Variants in C6orf89 observed in about 807,000 individuals in gnomAD.
C6orf89 encodes the protein bombesin receptor-activated protein C6orf89.
C6orf89 carries 29 observed loss-of-function variants against 40.7 expected under a neutral mutation model. That is an observed-to-expected ratio of 0.71 (90% CI 0.53 to 0.97). C6orf89 has a LOEUF of 0.97. C6orf89 is among the 50% of genes least tolerant of loss of function. The probability of loss-of-function intolerance (pLI) is 0.00; values close to 1 mark genes in which losing one functional copy is unlikely to be tolerated. For missense variants in C6orf89, 392 were observed against 429.1 expected (o/e 0.91, Z 0.76); for synonymous variants, 165 against 152.2 (o/e 1.08, Z -0.62).
rs919547355 is a variant in C6orf89, at chr6:36,927,791, C to T, written c.*4350C>T. On this transcript the variant is annotated 3_prime_UTR_variant, in exon 9 of 9. Coordinates refer to ENST00000480824, the MANE Select transcript of C6orf89 (RefSeq NM_001286635.2). ...CTCTGTAGCAAATGAAACACGGAAG[C>T]CTCCGGGAATGTGTTTGTGTCACCA... The T allele has an allele frequency of 6.6e-6, 1 of 152,318 alleles. No individual in the cohort carries two copies. The highest frequency in any genetic ancestry group is 2.4e-5 in the African/African-American group (1 of 41,452). 9.4% of individuals were successfully genotyped at this position (152,318 alleles called of 1,614,324 possible).
intron 2 of C6orf89, among the ~76,000 whole-genome samples, chr6:36,897,535 G>A (rs1020013743): frequency 4.6e-5 from 7 of 152,136 alleles, no homozygotes; most frequent in Admixed American, 2.6e-4. Flanking sequence ...ATAGTGTGGT[G>A]GGCTCTTCTC....
intron 8 of C6orf89, among the ~76,000 whole-genome samples, chr6:36,922,020 C>T (rs1250942832): frequency 2.6e-5 from 4 of 151,960 alleles, no homozygotes; most frequent in African/African-American, 9.7e-5. Flanking sequence ...GAAGCGAGAC[C>T]CTGTCTCTAA....
intron 2 of C6orf89, 127 bp from the exon 3 acceptor site, chr6:36,899,299 G>A: frequency 1.5e-6 from 1 of 686,476 alleles, no homozygotes; most frequent in Non-Finnish European, 2.5e-6. Context: ...TGAAAGTATT[G>A]GTCTGTAGAG....
At chr6:36,884,004 G>A (rs1009960291), upstream of C6orf89, among the ~76,000 whole-genome samples, 20 of 152,312 alleles carry the variant, frequency 1.3e-4, no homozygotes, top group African/African-American at 4.1e-4. The surrounding 1 kb of genome is among the most constrained non-coding windows in gnomAD (Gnocchi z 4.0). Flanking sequence ...GCTGACACCC[G>A]TAACCTCAGC....
chr6:36,922,928 G>A (rs749750863), intron 8 of C6orf89, among the ~76,000 whole-genome samples: 45 of 152,218 alleles, frequency 3.0e-4, no homozygotes, highest in Non-Finnish European at 5.9e-4. Flanking sequence ...TAAGCCTGCT[G>A]AATTGTGATT....
At chr6:36,916,091 TCCTTCTCTCTTCTCCCCTTCCC>T (rs1762305435) in intron 6 of C6orf89, among the ~76,000 whole-genome samples, 1 of 152,188 alleles carries the variant, frequency 6.6e-6, no homozygotes, top group South Asian at 2.1e-4. Context: ...TGTCCCTTCC[TCCTTCTCTCTTCTCCCCTTCCC>T]CCGCCTGGCC....
Position 36,926,935 on chromosome 6 carries a change from A to C in C6orf89, c.*3494A>C, listed in dbSNP as rs190720314. Reference sequence around the variant, plus strand: ...GTGGGAGAACCCAGGGATGGGGGTCAGCAAGCCAGGAACTCCGCAGGGTTT... The same window carrying C: ...GTGGGAGAACCCAGGGATGGGGGTCCGCAAGCCAGGAACTCCGCAGGGTTT... On this transcript the variant is annotated 3_prime_UTR_variant, in exon 9 of 9. Transcript: ENST00000480824. The C allele has an allele frequency of 6.6e-5, 10 of 152,408 alleles. No individual in the cohort carries two copies. The East Asian group carries it at 1.7e-3, about 26-fold the overall frequency. 9.4% of individuals were successfully genotyped at this position (152,408 alleles called of 1,614,324 possible).
In C6orf89 at chr6:36,926,144, C is replaced by T. The variant is rs1390268698; in HGVS notation, c.*2703C>T. 1 of 152,212 alleles carries T rather than the reference C, an allele frequency of 6.6e-6. No homozygotes were observed. Among genetic ancestry groups the T allele is most frequent in the Non-Finnish European group, 1.5e-5 (1 of 68,044 alleles). The allele number at this position is 152,212 out of a possible 1,614,324, so 9.4% of individuals were successfully genotyped here. A position where few individuals can be genotyped will look rare whatever the true frequency, so the allele number is the denominator to read the frequency against. ...TGTCCAAATGTCCTGAGCTCTCCAG[C>T]AGTCAAGTAGTGAATGGATACCATA... is the stretch of plus-strand genomic sequence containing the variant. On this transcript the variant is annotated 3_prime_UTR_variant, in exon 9 of 9. Transcript: ENST00000480824.
At chr6:36,918,442 C>A (rs555489823) in intron 7 of C6orf89, among the ~76,000 whole-genome samples, 1 of 152,210 alleles carries the variant, frequency 6.6e-6, no homozygotes, top group African/African-American at 2.4e-5. Flanking sequence ...CCAGGCTGTC[C>A]CTGTCACCAC....
intron 4 of C6orf89, among the ~76,000 whole-genome samples, chr6:36,909,581 A>G (rs1193832554): frequency 1.3e-5 from 2 of 151,902 alleles, no homozygotes; most frequent in Non-Finnish European, 2.9e-5. Flanking sequence ...AAATTTTTTT[A>G]TCTACCCTGG....
intron 3 of C6orf89, among the ~76,000 whole-genome samples, chr6:36,900,151 T>A (rs1761615274): frequency 6.6e-6 from 1 of 150,992 alleles, no homozygotes; most frequent in African/African-American, 2.4e-5. Context: ...CCTCCCAAAG[T>A]GCTTGGATTA....
intron 1 of C6orf89, among the ~76,000 whole-genome samples, chr6:36,873,472 AG>A (rs1327136520): frequency 6.6e-6 from 1 of 152,366 alleles, no homozygotes; most frequent in East Asian, 1.9e-4. Flanking sequence ...AAAAAACATG[AG>A]AGAGGTTTAT....
intron 7 of C6orf89, among the ~76,000 whole-genome samples, chr6:36,918,395 A>G (rs557565155): frequency 2.6e-5 from 4 of 152,346 alleles, no homozygotes; most frequent in African/African-American, 4.8e-5. Flanking sequence ...GCTTCTGCCA[A>G]TATTAGTACC....
intron 4 of C6orf89, among the ~76,000 whole-genome samples, chr6:36,904,222 A>G (rs6931465): frequency 0.041 from 6,288 of 152,318 alleles, 399 homozygotes; most frequent in African/African-American, 0.14. Context: ...GGCATCGTCA[A>G]TGAACACTGC....
chr6:36,900,073 G>C (rs1378599555), intron 3 of C6orf89, among the ~76,000 whole-genome samples: 1 of 151,780 alleles, frequency 6.6e-6, no homozygotes, highest in Non-Finnish European at 1.5e-5. Flanking sequence ...TTTTAGTAGA[G>C]ACAGGTTTTC....
chr6:36,886,388 A>G (rs1253594098), intron 1 of C6orf89, among the ~76,000 whole-genome samples: 2 of 152,240 alleles, frequency 1.3e-5, no homozygotes. Flanking sequence ...AATTAAGAGT[A>G]GATTCCCCAC....
intron 2 of C6orf89, among the ~76,000 whole-genome samples, chr6:36,879,417 C>A (rs1468973460): frequency 2.0e-5 from 3 of 152,094 alleles, no homozygotes; most frequent in African/African-American, 7.2e-5. Flanking sequence ...GATGGTGTGG[C>A]AAGCTGGGTC....
intron 2 of C6orf89, among the ~76,000 whole-genome samples, chr6:36,898,875 C>G (rs1438818779): frequency 6.6e-6 from 1 of 152,134 alleles, no homozygotes; most frequent in Non-Finnish European, 1.5e-5. Flanking sequence ...CTGCAAGCCA[C>G]ATGCCATGGT....
In C6orf89 at chr6:36,919,589, G is replaced by A. The variant is rs1051696220; in HGVS notation, c.837G>A (p.Met279Ile). Reference sequence around the variant, plus strand: ...ATTCTTTCCTCCAGATGCATAAGATGCCTGACCTATTTATCATTGGCAGCG... The same window carrying A: ...ATTCTTTCCTCCAGATGCATAAGATACCTGACCTATTTATCATTGGCAGCG... ...EPVVGSKMHK[M>I]PDLFIIGSGE... The change falls in exon 8 of 9, where the codon ATG becomes ATA. Residue 279 changes from methionine to isoleucine, a missense_variant. By Grantham distance (10) the Met-to-Ile change is conservative. Transcript: ENST00000480824. 13 of 1,613,782 alleles carry A rather than the reference G, an allele frequency of 8.1e-6. No individual in the cohort carries two copies. Among genetic ancestry groups the A allele is most frequent in the African/African-American group, 2.7e-5 (2 of 75,008 alleles).
Sources: gnomAD v4.1 joint callset for allele counts (sites outside exome capture counted in the v4.1 genomes callset) on GRCh38, gnomAD v4.1.1 for gene constraint, Gnocchi (gnomAD v3.1) non-coding constraint, MANE v1.5 for transcripts, NCBI Gene and HGNC (gene_info 2026-07-23, HGNC 2026-07-21) for gene names.